NFIB: variants seen among roughly 807,000 people sequenced by gnomAD.
The protein encoded by NFIB is nuclear factor I B.
In NFIB, 11 loss-of-function variants were observed where a neutral mutation model predicts 61.5. The ratio of observed to expected loss-of-function variants is 0.18; its 90% CI spans 0.11 to 0.30. The LOEUF is 0.30. Ranked by LOEUF, NFIB falls within the 10% of genes least tolerant of loss-of-function variation. The pLI is 1.00. For missense variants in NFIB, 471 were observed against 608.9 expected (o/e 0.77, Z 2.38); for synonymous variants, 260 against 216.5 (o/e 1.20, Z -1.76).
At chr9:14,131,971 G>A (rs1193500048) in intron 6 of NFIB, among the ~76,000 whole-genome samples, 1 of 152,076 alleles carries the variant, frequency 6.6e-6, no homozygotes, top group Non-Finnish European at 1.5e-5. Flanking sequence ...TTTCCAATAT[G>A]CTCGAGTAGA....
chr9:14,384,204 T>C (rs1468945865), intron 1 of NFIB, among the ~76,000 whole-genome samples: 1 of 152,160 alleles, frequency 6.6e-6, no homozygotes, highest in Non-Finnish European at 1.5e-5. Context: ...CGCAGCAACA[T>C]CTACTGTCAG....
rs529398189 is a variant in NFIB, at chr9:14,176,147, T to C, written c.616+3580A>G. ...ATTATTAAAGGTAAAAAGAGATTCA[T>C]GTCTAAGTCCCAAAATTAATGGTTT... On this transcript the variant is annotated intron_variant, in intron 3 of 10. Transcript: ENST00000380953. 3.3e-5 allele frequency among the ~76,000 whole-genome samples: 5 copies of C among 152,150 alleles called. No individual in the cohort carries two copies. In the South Asian group the frequency reaches 1.0e-3, roughly 31 times the overall value.
the NFIB span, among the ~76,000 whole-genome samples, chr9:14,462,578 G>A: frequency 1.3e-5 from 2 of 152,088 alleles, no homozygotes; most frequent in South Asian, 2.1e-4. Flanking sequence ...CACCGTGCCC[G>A]GCCACCGTAT....
chr9:14,493,117 G>GCT, the NFIB span, among the ~76,000 whole-genome samples: 5 of 152,266 alleles, frequency 3.3e-5, no homozygotes, highest in East Asian at 7.7e-4. Flanking sequence ...CTAAGGCAGT[G>GCT]CTCTCTCTCT....
At chr9:14,226,549 GAAAAA>G (rs79951404) in intron 2 of NFIB, among the ~76,000 whole-genome samples, 1 of 89,378 alleles carries the variant, frequency 1.1e-5, no homozygotes, top group African/African-American at 4.4e-5. Context: ...CCCTATCTCA[GAAAAA>G]AAAAAAAAAA....
chr9:14,255,198 G>C (rs1049517415), intron 2 of NFIB, among the ~76,000 whole-genome samples: 1 of 151,968 alleles, frequency 6.6e-6, no homozygotes, highest in South Asian at 2.1e-4. Flanking sequence ...ACTCCAACAA[G>C]GATGACAAAG....
chr9:14,200,124 C>A (rs2048874766), intron 2 of NFIB, among the ~76,000 whole-genome samples: 1 of 152,140 alleles, frequency 6.6e-6, no homozygotes, highest in African/African-American at 2.4e-5. Context: ...AGTAGTTGGG[C>A]ATATTTCCTT....
chr9:14,384,880 T>G (rs7045346), intron 1 of NFIB, among the ~76,000 whole-genome samples: 33,357 of 152,052 alleles, frequency 0.22, 3,822 homozygotes, highest in Middle Eastern at 0.32. Context: ...GATTTTCACC[T>G]TCTCTTTTTC....
intron 2 of NFIB, among the ~76,000 whole-genome samples, chr9:14,198,360 C>A (rs1396709324): frequency 2.0e-5 from 3 of 152,076 alleles, no homozygotes; most frequent in Non-Finnish European, 2.9e-5. Flanking sequence ...GAGTTTAAAC[C>A]TGGAACAATT....
At chr9:14,388,390 A>G (rs201425354) in intron 1 of NFIB, among the ~76,000 whole-genome samples, 3 of 11,370 alleles carry the variant, frequency 2.6e-4, no homozygotes, top group East Asian at 2.6e-3. Flanking sequence ...GAAGGAAGGA[A>G]GGAAGGAAGG....
chr9:14,217,789 C>G (rs1749262580), intron 2 of NFIB, among the ~76,000 whole-genome samples: 1 of 151,802 alleles, frequency 6.6e-6, no homozygotes, highest in Non-Finnish European at 1.5e-5. Context: ...ATTACTTCAC[C>G]ATGTCAATAT....
At chr9:14,434,881 C>G in the NFIB span, among the ~76,000 whole-genome samples, 6 of 152,280 alleles carry the variant, frequency 3.9e-5, no homozygotes, top group East Asian at 1.2e-3. Context: ...ACAGAGAGGA[C>G]CTGGGAACAG....
intron 3 of NFIB, among the ~76,000 whole-genome samples, chr9:14,161,897 T>C (rs2044243238): frequency 1.3e-5 from 2 of 152,178 alleles, no homozygotes; most frequent in Non-Finnish European, 2.9e-5. Context: ...TTACACTCCT[T>C]AGGGCAAGCT....
chr9:14,282,578 G>T (rs933724865), intron 2 of NFIB, among the ~76,000 whole-genome samples: 7 of 152,138 alleles, frequency 4.6e-5, no homozygotes, highest in African/African-American at 1.7e-4. Flanking sequence ...GTGTGCTAAG[G>T]TCATTAAAAC....
At chr9:14,369,431 T>A (rs531434723) in intron 1 of NFIB, among the ~76,000 whole-genome samples, 62 of 152,286 alleles carry the variant, frequency 4.1e-4, no homozygotes, top group Admixed American at 9.2e-4. Flanking sequence ...GGGGTCCATC[T>A]CATAGCCAAC....
chr9:14,102,566 T>A, intron 10 of NFIB: 4 of 1,432,450 alleles, frequency 2.8e-6, no homozygotes, highest in Non-Finnish European at 3.8e-6. Context: ...CAGTTTTTAG[T>A]ATTTAAATGA....
chr9:14,322,418 G>A, intron 1 of NFIB: 1 of 234,102 alleles, frequency 4.3e-6, no homozygotes, highest in Non-Finnish European at 8.4e-6. Context: ...CAGCCGGCAC[G>A]GCCCCGGGGT....
chr9:14,275,033 G>C (rs1482141893), intron 2 of NFIB, among the ~76,000 whole-genome samples: 1 of 152,186 alleles, frequency 6.6e-6, no homozygotes, highest in Non-Finnish European at 1.5e-5. Context: ...AACAGTCATA[G>C]ACCATGAAGC....
the NFIB span, among the ~76,000 whole-genome samples, chr9:14,498,542 C>T: frequency 6.6e-6 from 1 of 152,154 alleles, no homozygotes; most frequent in Non-Finnish European, 1.5e-5. Flanking sequence ...CACTCGAGAA[C>T]AACATCACAT....
Sources: gnomAD v4.1 joint callset for allele counts (sites outside exome capture counted in the v4.1 genomes callset) on GRCh38, gnomAD v4.1.1 for gene constraint, MANE v1.5 for transcripts, NCBI Gene and HGNC (gene_info 2026-07-23, HGNC 2026-07-21) for gene names.